Variants in KCNIP4 observed in about 807,000 individuals in gnomAD.
KCNIP4 encodes potassium voltage-gated channel interacting protein 4.
KCNIP4 carries 12 observed loss-of-function variants against 34.0 expected under a neutral mutation model. The observed-to-expected ratio is 0.35, with a 90% CI of 0.23 to 0.57. The LOEUF is 0.57. Among genes scored for constraint, KCNIP4 ranks in the 20% least tolerant of loss-of-function variants. The probability of loss-of-function intolerance (pLI) is 0.83; values close to 1 mark genes in which losing one functional copy is unlikely to be tolerated. For synonymous variants in KCNIP4, 124 were observed against 102.2 expected (o/e 1.21, Z -1.29); for missense variants, 238 against 311.7 (o/e 0.76, Z 1.78).
At chr4:21,720,480 A>C (rs1022535594) in intron 1 of KCNIP4, among the ~76,000 whole-genome samples, 3 of 151,680 alleles carry the variant, frequency 2.0e-5, no homozygotes, top group Non-Finnish European at 4.4e-5. Context: ...TTTACAGTAA[A>C]AGAGAATGAC....
At chr4:21,897,382 A>G (rs956254483) in intron 1 of KCNIP4, among the ~76,000 whole-genome samples, 7 of 152,274 alleles carry the variant, frequency 4.6e-5, no homozygotes, top group African/African-American at 1.7e-4. Context: ...TTCAACTTCT[A>G]TTTCTTCCAG....
chr4:20,920,209 A>G (rs553167939), intron 1 of KCNIP4, among the ~76,000 whole-genome samples: 100 of 152,274 alleles, frequency 6.6e-4, no homozygotes, highest in Admixed American at 2.6e-3. Flanking sequence ...TGCCAAAGTT[A>G]CTCAGTTTTA....
At chr4:20,901,442 T>C (rs538773366) in intron 1 of KCNIP4, among the ~76,000 whole-genome samples, 1 of 152,350 alleles carries the variant, frequency 6.6e-6, no homozygotes, top group African/African-American at 2.4e-5. Context: ...TTAATAAGAT[T>C]CTCAGGTGAT....
chr4:20,911,518 A>C (rs981097238), intron 1 of KCNIP4, among the ~76,000 whole-genome samples: 3 of 152,138 alleles, frequency 2.0e-5, no homozygotes, highest in Non-Finnish European at 2.9e-5. Context: ...AGGGTGGGTA[A>C]ATTTCTGGTA....
intron 1 of KCNIP4, among the ~76,000 whole-genome samples, chr4:21,101,225 T>G (rs1747914071): frequency 6.6e-6 from 1 of 152,212 alleles, no homozygotes; most frequent in Non-Finnish European, 1.5e-5. Flanking sequence ...TTTGACTTGC[T>G]GGGTTATTTC....
intron 1 of KCNIP4, among the ~76,000 whole-genome samples, chr4:21,073,414 A>T (rs1353831505): frequency 6.6e-6 from 1 of 152,164 alleles, no homozygotes; most frequent in African/African-American, 2.4e-5. Context: ...GCAATTGTGA[A>T]TGGAAGTTCA....
chr4:21,360,232 C>G (rs184312085), intron 1 of KCNIP4, among the ~76,000 whole-genome samples: 5 of 152,142 alleles, frequency 3.3e-5, no homozygotes, highest in African/African-American at 1.2e-4. Flanking sequence ...GAATCATTGA[C>G]TATCCTTATT....
chr4:21,600,987 G>A lies in KCNIP4; in HGVS notation c.61+347584C>T, dbSNP rs545641156. On this transcript the variant is annotated intron_variant, in intron 1 of 8. Transcript: ENST00000382152. ...TGTCATTTAAAAAAATCTTACTAAAGAAGGCCATCACTATTCCAGTCACTA... is the reference window on the plus strand; with the variant it reads ...TGTCATTTAAAAAAATCTTACTAAAAAAGGCCATCACTATTCCAGTCACTA... Among the ~76,000 whole-genome samples, 34 of 151,620 alleles carry A rather than the reference G, an allele frequency of 2.2e-4. 1 individual carries two copies. In the South Asian group the frequency reaches 6.9e-3, roughly 31 times the overall value.
In KCNIP4 at chr4:21,538,266, G is replaced by A. The variant is rs1737381036; in HGVS notation, c.61+410305C>T. ...TTCTAGTCTCCAGAAGTGTCAGATA[G>A]TAAATTTCTATTGTTTTAAACCACA... On this transcript the variant is annotated intron_variant, in intron 1 of 8. Transcript: ENST00000382152. Among the ~76,000 whole-genome samples the A allele has an allele frequency of 2.0e-5, 3 of 152,090 alleles. No individual in the cohort carries two copies. The South Asian group carries it at 6.2e-4, about 32-fold the overall frequency.
chr4:20,947,262 A>T (rs917812171), intron 1 of KCNIP4, among the ~76,000 whole-genome samples: 4 of 152,140 alleles, frequency 2.6e-5, no homozygotes, highest in Non-Finnish European at 4.4e-5. Context: ...TCCGCCTCCC[A>T]GCTTCAAGTG....
chr4:21,257,652 A>T (rs1761153814), intron 1 of KCNIP4, among the ~76,000 whole-genome samples: 1 of 151,916 alleles, frequency 6.6e-6, no homozygotes, highest in African/African-American at 2.4e-5. Context: ...CGGGAGGCTG[A>T]GACAGAAGAA....
intron 1 of KCNIP4, among the ~76,000 whole-genome samples, chr4:21,675,859 T>C (rs1749851706): frequency 6.6e-6 from 1 of 152,166 alleles, no homozygotes; most frequent in South Asian, 2.1e-4. Context: ...CAAGTTTCAG[T>C]GTCATGTAAA....
intron 1 of KCNIP4, among the ~76,000 whole-genome samples, chr4:21,070,093 G>A (rs1744752423): frequency 6.6e-6 from 1 of 152,138 alleles, no homozygotes; most frequent in Non-Finnish European, 1.5e-5. Context: ...CATACCAGAT[G>A]TGACCTTTCA....
rs7654281 is a variant in KCNIP4, at chr4:21,593,306, C to G, written c.61+355265G>C. On this transcript the variant is annotated intron_variant, in intron 1 of 8. Coordinates refer to ENST00000382152, the MANE Select transcript of KCNIP4 (RefSeq NM_025221.6). ...AATGCCCATTGCTGGTTAAATTTAC[C>G]CTAAAATTGCAGGAATTAAAAATGT... Among the ~76,000 whole-genome samples, 498 of 152,118 alleles carry G rather than the reference C, an allele frequency of 3.3e-3. 3 individuals are homozygous for G. Among genetic ancestry groups the G allele is most frequent in the Middle Eastern group, 0.014 (4 of 294 alleles).
At chr4:20,917,569 T>C (rs933838594) in intron 1 of KCNIP4, among the ~76,000 whole-genome samples, 5 of 152,134 alleles carry the variant, frequency 3.3e-5, no homozygotes, top group Non-Finnish European at 7.3e-5. Context: ...AATGAGACAA[T>C]GTCCTGAACG....
chr4:21,131,349 A>G (rs1560750037), intron 1 of KCNIP4, among the ~76,000 whole-genome samples: 1 of 152,180 alleles, frequency 6.6e-6, no homozygotes, highest in Non-Finnish European at 1.5e-5. Context: ...AAAACCAAAA[A>G]AGCAATCTCT....
At chr4:21,640,375 G>T (rs1251603352) in intron 1 of KCNIP4, among the ~76,000 whole-genome samples, 1 of 152,200 alleles carries the variant, frequency 6.6e-6, no homozygotes, top group African/African-American at 2.4e-5. Flanking sequence ...CTTCAAGGAT[G>T]CAGGGGTGCC....
chr4:21,054,247 G>A (rs1378756195), intron 1 of KCNIP4, among the ~76,000 whole-genome samples: 1 of 152,126 alleles, frequency 6.6e-6, no homozygotes, highest in Non-Finnish European at 1.5e-5. Context: ...GGCTGGGCAT[G>A]CTGGCTCACG....
intron 2 of KCNIP4, among the ~76,000 whole-genome samples, chr4:20,855,310 G>A (rs1463764909): frequency 5.3e-5 from 8 of 152,154 alleles, no homozygotes; most frequent in Admixed American, 4.6e-4. Context: ...AACTTAGCAG[G>A]AATAAAAACA....
Sources: allele counts gnomAD v4.1 joint callset (sites outside exome capture counted in the v4.1 genomes callset), GRCh38; gene constraint gnomAD v4.1.1; transcripts MANE v1.5; gene names NCBI Gene and HGNC (gene_info 2026-07-23, HGNC 2026-07-21).